The following CDC16 variants were observed in gnomAD, a reference collection of about 807,000 sequenced individuals.
CDC16 encodes cell division cycle 16.
A neutral mutation model predicts 87.0 loss-of-function variants in CDC16; 34 were observed. That is an observed-to-expected ratio of 0.39 (90% CI 0.30 to 0.52). CDC16 has a LOEUF of 0.52. Ranked by LOEUF, CDC16 falls within the 20% of genes least tolerant of loss-of-function variation. The pLI is 0.74. For synonymous variants in CDC16, 263 were observed against 260.6 expected, an observed-to-expected ratio of 1.01 and a Z score of -0.09; for missense variants, 653 against 751.9, an observed-to-expected ratio of 0.87 and a Z score of 1.54.
At chr13:114,254,511 T>C (rs1261773040) in intron 12 of CDC16, among the ~76,000 whole-genome samples, 1 of 152,220 alleles carries the variant, frequency 6.6e-6, no homozygotes, top group Non-Finnish European at 1.5e-5. Flanking sequence ...TATAGCTGTT[T>C]CCTCTTGCCT....
chr13:114,242,824 C>T (rs535814100), intron 6 of CDC16: 8 of 165,456 alleles, frequency 4.8e-5, no homozygotes, highest in African/African-American at 9.6e-5. Context: ...CCCCCTGCCC[C>T]GGGAACAGTT....
chr13:114,251,892 G>A (rs185551557), intron 12 of CDC16, among the ~76,000 whole-genome samples: 62 of 151,798 alleles, frequency 4.1e-4, no homozygotes, highest in African/African-American at 1.4e-3. Flanking sequence ...AACCTTACAC[G>A]AACCCTATTG....
At chr13:114,236,985 C>A in intron 3 of CDC16, 89 bp downstream of exon 3, 1 of 765,416 alleles carries the variant, frequency 1.3e-6, no homozygotes. Flanking sequence ...CCTGTAATCC[C>A]AGCGCTTTGG....
intron 1 of CDC16, among the ~76,000 whole-genome samples, chr13:114,235,856 G>A (rs17290972): frequency 0.024 from 3,718 of 152,236 alleles, 158 homozygotes; most frequent in African/African-American, 0.085. Flanking sequence ...TGAATTCAGT[G>A]TTTTCTGATC....
chr13:114,252,743 A>G (rs1213585605), intron 12 of CDC16, among the ~76,000 whole-genome samples: 1 of 152,144 alleles, frequency 6.6e-6, no homozygotes, highest in East Asian at 1.9e-4. Flanking sequence ...CAGAAACAGA[A>G]TAGTTATTAG....
intron 15 of CDC16, among the ~76,000 whole-genome samples, 167 bp downstream of exon 15, chr13:114,262,115 G>A (rs999583390): frequency 6.6e-6 from 1 of 152,150 alleles, no homozygotes; most frequent in African/African-American, 2.4e-5. Flanking sequence ...CTGTGTTGGT[G>A]TAATTTTATT....
intron 11 of CDC16, chr13:114,247,333 ATTT>A (rs112944628): frequency 3.2e-4 from 59 of 183,552 alleles, no homozygotes; most frequent in South Asian, 9.6e-4. Flanking sequence ...TGATTTAAAC[ATTT>A]TTTTTTTTTT....
chr13:114,269,007 A>G (rs1034419460), intron 17 of CDC16, among the ~76,000 whole-genome samples: 1 of 152,280 alleles, frequency 6.6e-6, no homozygotes, highest in African/African-American at 2.4e-5. Flanking sequence ...TAAGCCTATT[A>G]TATCAGCTCT....
Position 114,262,939 on chromosome 13 carries a change from A to C in CDC16, c.1437A>C (p.Ala479=). ...RQALVLIPQN[A]STYSAIGYIH... ...CACTGGTGTTGATTCCTCAGAACGC[A>C]TCCACCTACTCTGCTATTGGATATA... The change falls in exon 16 of 18, where the codon GCA becomes GCC. Residue 479 remains alanine (A), a synonymous_variant. Transcript: ENST00000356221. 6.2e-7 allele frequency: 1 copy of C among 1,614,018 alleles called. No homozygotes were observed. The highest frequency in any genetic ancestry group is 1.3e-5 in the African/African-American group (1 of 75,058).
chr13:114,253,332 G>GT (rs887553940), intron 12 of CDC16, among the ~76,000 whole-genome samples: 13 of 152,152 alleles, frequency 8.5e-5, no homozygotes, highest in African/African-American at 3.1e-4. Flanking sequence ...TTCTTTTGTT[G>GT]TTTTTTAACT....
At chr13:114,247,314 A>G (rs559854724) in intron 11 of CDC16, 2 of 273,040 alleles carry the variant, frequency 7.3e-6, no homozygotes, top group African/African-American at 2.3e-5. Flanking sequence ...AGGCACCACC[A>G]TGCCTAGCTG....
chr13:114,266,198 G>A (rs913408415), intron 17 of CDC16, among the ~76,000 whole-genome samples: 1 of 152,180 alleles, frequency 6.6e-6, no homozygotes. Flanking sequence ...CAGAGCCTTA[G>A]ATTTTGAGAG....
chr13:114,254,650 A>G (rs2082391021), intron 12 of CDC16, among the ~76,000 whole-genome samples: 1 of 152,182 alleles, frequency 6.6e-6, no homozygotes, highest in Non-Finnish European at 1.5e-5. Flanking sequence ...CACATTTTAT[A>G]CTGTCTCATA....
intron 17 of CDC16, among the ~76,000 whole-genome samples, chr13:114,267,537 T>C (rs1307341060): frequency 1.3e-5 from 2 of 152,186 alleles, no homozygotes; most frequent in African/African-American, 2.4e-5. Context: ...ATGCATATTC[T>C]TACATATATT....
Position 114,244,006 on chromosome 13 carries a change from AT to A in CDC16, c.767+22del, listed in dbSNP as rs755093340. On this transcript the variant is annotated intron_variant, in intron 8 of 17. Coordinates refer to ENST00000356221, the MANE Select transcript of CDC16 (RefSeq NM_001078645.3). ...TACTTCTGTGTAAGTATATCCATCC[AT>A]TTTTCTGTAGGAACATGGAGTTCAC... 14 of 1,587,850 alleles carry A rather than the reference AT, an allele frequency of 8.8e-6. No individual in the cohort carries two copies. Among genetic ancestry groups the A allele is most frequent in the Non-Finnish European group, 1.1e-5 (13 of 1,159,988 alleles).
intron 12 of CDC16, among the ~76,000 whole-genome samples, chr13:114,252,002 A>ATAAGAGCCCTACACTAG (rs2082210614): frequency 1.2e-5 from 1 of 86,764 alleles, no homozygotes. Flanking sequence ...CCCTACACTA[A>ATAAGAGCCCTACACTAG]CCCTGTTGGA....
intron 11 of CDC16, among the ~76,000 whole-genome samples, chr13:114,248,896 A>G (rs1436700276): frequency 1.3e-5 from 2 of 151,926 alleles, no homozygotes; most frequent in African/African-American, 4.8e-5. Context: ...CTAGCGTGCA[A>G]TTCAGTGATG....
chr13:114,252,495 G>T (rs2082251622), intron 12 of CDC16, among the ~76,000 whole-genome samples: 1 of 152,146 alleles, frequency 6.6e-6, no homozygotes, highest in South Asian at 2.1e-4. Context: ...TGCACACCCA[G>T]TTATGGATCC....
intron 3 of CDC16, 92 bp downstream of exon 3, chr13:114,236,988 C>T (rs985726607): frequency 2.7e-5 from 20 of 737,870 alleles, no homozygotes; most frequent in South Asian, 2.5e-4. Flanking sequence ...GTAATCCCAG[C>T]GCTTTGGAAA....
Sources: gnomAD v4.1 joint callset for allele counts (sites outside exome capture counted in the v4.1 genomes callset) on GRCh38, gnomAD v4.1.1 for gene constraint, MANE v1.5 for transcripts, NCBI Gene and HGNC (gene_info 2026-07-23, HGNC 2026-07-21) for gene names.